FANK1: variants seen among roughly 807,000 people sequenced by gnomAD.
The protein encoded by FANK1 is fibronectin type 3 and ankyrin repeat domains protein 1.
A neutral mutation model predicts 45.3 loss-of-function variants in FANK1; 44 were observed. That is an observed-to-expected ratio of 0.97 (90% confidence interval 0.76 to 1.25). The LOEUF (loss-of-function observed/expected upper bound fraction) is 1.25. Among genes scored for constraint, FANK1 ranks in the 50% most tolerant of loss-of-function variants. The probability of loss-of-function intolerance (pLI) is 0.00; values close to 1 mark genes in which losing one functional copy is unlikely to be tolerated. For missense variants in FANK1, 391 were observed against 424.4 expected (o/e 0.92, Z 0.69); for synonymous variants, 149 against 152.5 (o/e 0.98, Z 0.17).
At chr10:125,945,974 G>A (rs960970467) in intron 1 of FANK1, among the ~76,000 whole-genome samples, 3 of 152,172 alleles carry the variant, frequency 2.0e-5, no homozygotes, top group African/African-American at 7.2e-5. Flanking sequence ...AGCCTAACTG[G>A]GAGGCACCCC....
intron 7 of FANK1, among the ~76,000 whole-genome samples, chr10:126,008,141 A>G (rs1953373315): frequency 6.6e-6 from 1 of 152,214 alleles, no homozygotes; most frequent in Non-Finnish European, 1.5e-5. Flanking sequence ...AGAACTCCCC[A>G]GGGGCCAAGT....
chr10:125,926,499 T>C (rs80111683), intron 1 of FANK1, among the ~76,000 whole-genome samples: 4,509 of 111,372 alleles, frequency 0.04, no homozygotes, highest in Admixed American at 0.048. Context: ...AATCTGTTTT[T>C]CATCTCTGTA....
chr10:125,951,563 C>G (rs1011074637), intron 1 of FANK1, among the ~76,000 whole-genome samples: 3 of 152,158 alleles, frequency 2.0e-5, no homozygotes, highest in Admixed American at 6.5e-5. Context: ...GTTTTGTTTT[C>G]TGTTGGGAGT....
intron 1 of FANK1, among the ~76,000 whole-genome samples, chr10:125,977,468 A>G (rs1016337140): frequency 6.6e-6 from 1 of 152,082 alleles, no homozygotes; most frequent in Admixed American, 6.5e-5. Flanking sequence ...GTTTCCTCAC[A>G]GTTTCCGTCA....
In FANK1 at chr10:125,923,322, G is replaced by C. The variant is rs190761505; in HGVS notation, c.13+26667G>C. Among the ~76,000 whole-genome samples the C allele has an allele frequency of 6.2e-3, 934 of 151,518 alleles. 9 individuals are homozygous for C. The highest frequency in any genetic ancestry group is 0.02 in the African/African-American group (827 of 41,316). Reference sequence around the variant, plus strand: ...AAAAAAAAATAAAAATTAGCTTGGTGTGGTGGTGGGTGCCTGTAGTGTGAG... The same window carrying C: ...AAAAAAAAATAAAAATTAGCTTGGTCTGGTGGTGGGTGCCTGTAGTGTGAG... On this transcript the variant is annotated intron_variant, in intron 1 of 10. Coordinates refer to ENST00000368693, the MANE Select transcript of FANK1 (RefSeq NM_145235.5).
chr10:125,931,418 G>A (rs1251819070), intron 1 of FANK1, among the ~76,000 whole-genome samples: 1 of 152,220 alleles, frequency 6.6e-6, no homozygotes, highest in Non-Finnish European at 1.5e-5. Context: ...TCTTGCAGGA[G>A]TAAGGTGGTA....
chr10:125,924,806 CAAAAA>C (rs58856642), intron 1 of FANK1, among the ~76,000 whole-genome samples: 1 of 70,784 alleles, frequency 1.4e-5, no homozygotes, highest in African/African-American at 4.3e-5. Flanking sequence ...GACCCCATCT[CAAAAA>C]AAAAAAAAAA....
chr10:125,999,107 T>C (rs4962316), intron 6 of FANK1, among the ~76,000 whole-genome samples: 140,524 of 152,292 alleles, frequency 0.92, 64,986 homozygotes, highest in African/African-American at 0.98. Context: ...TAACGTAACA[T>C]TTTCCATCAG....
chr10:125,898,015 A>G (rs369533279), intron 1 of FANK1, among the ~76,000 whole-genome samples: 2 of 133,708 alleles, frequency 1.5e-5, no homozygotes, highest in Non-Finnish European at 3.2e-5. Context: ...AAAAAAAAAA[A>G]AAAAAAAAAA....
At chr10:125,931,109 T>C (rs994991915) in intron 1 of FANK1, among the ~76,000 whole-genome samples, 2 of 152,232 alleles carry the variant, frequency 1.3e-5, no homozygotes, top group African/African-American at 4.8e-5. Flanking sequence ...ATTTGTCTAC[T>C]TGTTGATTGA....
intron 1 of FANK1, among the ~76,000 whole-genome samples, chr10:125,938,448 G>T (rs796741174): frequency 2.0e-5 from 3 of 152,224 alleles, no homozygotes; most frequent in African/African-American, 7.2e-5. Flanking sequence ...CTGGTATTGG[G>T]GCATGAAAAC....
In FANK1 at chr10:125,952,229, A is replaced by G. The variant is rs1348359309; in HGVS notation, c.14-27932A>G. Among the ~76,000 whole-genome samples the G allele has an allele frequency of 3.3e-5, 5 of 152,084 alleles. No homozygotes were observed. In the South Asian group the frequency reaches 6.2e-4, roughly 19 times the overall value. On this transcript the variant is annotated intron_variant, in intron 1 of 10. Transcript: ENST00000368693. ...AAAAAAGCGTGGTGTGTTTATAATT[A>G]TGTACACTATTTTTTGAGTATCTTT...
intron 1 of FANK1, among the ~76,000 whole-genome samples, chr10:125,944,702 G>A (rs922256975): frequency 5.3e-5 from 8 of 152,174 alleles, no homozygotes; most frequent in Non-Finnish European, 1.5e-5. Flanking sequence ...TAGCATGAGC[G>A]ATCTGTGCCT....
At chr10:125,975,848 A>G (rs905392843) in intron 1 of FANK1, among the ~76,000 whole-genome samples, 1 of 152,218 alleles carries the variant, frequency 6.6e-6, no homozygotes. Flanking sequence ...TGATCCTGTC[A>G]GCTGGTGCTG....
chr10:125,980,578 T>C (rs1380589528), intron 2 of FANK1: 1 of 444,486 alleles, frequency 2.2e-6, no homozygotes, highest in East Asian at 4.2e-5. Context: ...ATGATATGTA[T>C]TTAAAATCCA....
intron 6 of FANK1, chr10:126,004,174 AAAAAAAG>A (rs1395113239): frequency 2.0e-5 from 3 of 151,436 alleles, no homozygotes; most frequent in Non-Finnish European, 2.9e-5. Context: ...AAAAAAAAAA[AAAAAAAG>A]AAAATATTTA....
chr10:125,907,706 G>A (rs1173977259), intron 1 of FANK1, among the ~76,000 whole-genome samples: 1 of 152,262 alleles, frequency 6.6e-6, no homozygotes, highest in East Asian at 1.9e-4. Context: ...ATGCACGCAA[G>A]ATTCTCCTTG....
At position 126,004,878 on chromosome 10, in the gene FANK1, T is replaced by A; in HGVS notation, c.540-6T>A. The A allele has an allele frequency of 6.2e-7, 1 of 1,613,918 alleles. No individual in the cohort carries two copies. Among genetic ancestry groups the A allele is most frequent in the Non-Finnish European group, 8.5e-7 (1 of 1,179,820 alleles). On this transcript the variant is annotated splice_region_variant and splice_polypyrimidine_tract_variant and intron_variant, in intron 6 of 10. Transcript: ENST00000368693. ...TGTCAAATGCCGCTTCTTCCATATGTTGCAGTCTAATGCTGGCGTGCTATG... is the reference window on the plus strand; with the variant it reads ...TGTCAAATGCCGCTTCTTCCATATGATGCAGTCTAATGCTGGCGTGCTATG...
At chr10:125,952,909 G>T (rs1949345683) in intron 1 of FANK1, among the ~76,000 whole-genome samples, 1 of 151,622 alleles carries the variant, frequency 6.6e-6, no homozygotes, top group Non-Finnish European at 1.5e-5. Context: ...TGGGGTGGCA[G>T]CTCTGGGGGA....
Sources: gnomAD v4.1 joint callset for allele counts (sites outside exome capture counted in the v4.1 genomes callset) on GRCh38, gnomAD v4.1.1 for gene constraint, MANE v1.5 for transcripts, NCBI Gene and HGNC (gene_info 2026-07-23, HGNC 2026-07-21) for gene names.